The following MUSK variants were observed in gnomAD, a reference collection of about 807,000 sequenced individuals.
MUSK encodes the protein muscle associated receptor tyrosine kinase, also known as muscle, skeletal receptor tyrosine-protein kinase.
A neutral mutation model predicts 88.7 loss-of-function variants in MUSK; 55 were observed. That is an observed-to-expected ratio of 0.62 (90% CI 0.50 to 0.78). The LOEUF is 0.78. Ranked by LOEUF, MUSK falls within the 30% of genes least tolerant of loss-of-function variation. MUSK has a pLI of 0.00. For missense variants in MUSK, 1,015 were observed against 1,074.3 expected, an observed-to-expected ratio of 0.94 and a Z score of 0.77; for synonymous variants, 387 against 391.9, an observed-to-expected ratio of 0.99 and a Z score of 0.15.
chr9:110,703,633 A>G (rs994047923), intron 5 of MUSK, among the ~76,000 whole-genome samples: 5 of 152,164 alleles, frequency 3.3e-5, no homozygotes, highest in African/African-American at 9.6e-5. Flanking sequence ...TTAAAATTCA[A>G]TGGATGAGTA....
At chr9:110,692,587 A>G (rs974223611) in intron 3 of MUSK, among the ~76,000 whole-genome samples, 23 of 151,298 alleles carry the variant, frequency 1.5e-4, no homozygotes, top group Non-Finnish European at 3.1e-4. Context: ...TATTTTCTGC[A>G]TGTCTTAATA....
intron 3 of MUSK, among the ~76,000 whole-genome samples, chr9:110,689,717 ATGTT>A (rs2076274220): frequency 2.8e-5 from 1 of 35,648 alleles, no homozygotes; most frequent in Non-Finnish European, 4.7e-5. Flanking sequence ...ATAACTATAT[ATGTT>A]ATATATAGTT....
intron 4 of MUSK, among the ~76,000 whole-genome samples, chr9:110,695,749 G>A (rs2076423113): frequency 6.6e-6 from 1 of 152,002 alleles, no homozygotes; most frequent in South Asian, 2.1e-4. Flanking sequence ...TAATGTTAAA[G>A]ATAGAAAAGG....
rs970920230 is a variant in MUSK at position 110,804,767 on chromosome 9, A to G, written c.*3779A>G. ...ATAATATACAATAATATGTATAATC[A>G]TAATAGACAATAATAAAAATGAAAA... On this transcript the variant is annotated 3_prime_UTR_variant, in exon 15 of 15. Coordinates refer to ENST00000374448, the MANE Select transcript of MUSK (RefSeq NM_005592.4). Among the ~76,000 whole-genome samples, 1 of 151,956 alleles carries G rather than the reference A, an allele frequency of 6.6e-6. No individual in the cohort carries two copies. The highest frequency in any genetic ancestry group is 1.5e-5 in the Non-Finnish European group (1 of 67,832).
chr9:110,690,891 G>T (rs917780389), intron 3 of MUSK, among the ~76,000 whole-genome samples: 1 of 139,242 alleles, frequency 7.2e-6, no homozygotes, highest in Non-Finnish European at 1.5e-5. Context: ...TATATTTTTT[G>T]AGACGGAGTC....
At chr9:110,758,609 A>G (rs1183041421) in intron 7 of MUSK, among the ~76,000 whole-genome samples, 2 of 152,224 alleles carry the variant, frequency 1.3e-5, no homozygotes, top group Non-Finnish European at 2.9e-5. Flanking sequence ...GCATCCAAAT[A>G]GGAAGAGGGG....
intron 11 of MUSK, among the ~76,000 whole-genome samples, chr9:110,776,879 C>A (rs1436735203): frequency 6.6e-6 from 1 of 152,132 alleles, no homozygotes; most frequent in East Asian, 1.9e-4. Flanking sequence ...GTGAGTCATA[C>A]AAATGCTATC....
intron 1 of MUSK, among the ~76,000 whole-genome samples, chr9:110,679,019 T>C (rs1486243709): frequency 6.6e-6 from 1 of 152,112 alleles, no homozygotes; most frequent in Admixed American, 6.5e-5. Flanking sequence ...TGGTATATTT[T>C]CTTTATGTTT....
intron 2 of MUSK, among the ~76,000 whole-genome samples, chr9:110,683,506 T>C (rs998237361): frequency 1.3e-5 from 2 of 152,036 alleles, no homozygotes; most frequent in African/African-American, 4.8e-5. Flanking sequence ...AGCAGTGGGG[T>C]TGCTGGATCA....
intron 4 of MUSK, among the ~76,000 whole-genome samples, 175 bp from the exon 5 acceptor site, chr9:110,697,150 T>C (rs1372676631): frequency 6.6e-6 from 1 of 151,376 alleles, no homozygotes; most frequent in Admixed American, 6.6e-5. Flanking sequence ...TTAATTTAGG[T>C]ACTCTTGCAC....
intron 6 of MUSK, among the ~76,000 whole-genome samples, chr9:110,739,305 G>T (rs2077068439): frequency 4.6e-5 from 7 of 152,224 alleles, no homozygotes; most frequent in Admixed American, 4.6e-4. Flanking sequence ...TAGTGAAGTT[G>T]CATGGACAGC....
intron 3 of MUSK, among the ~76,000 whole-genome samples, chr9:110,694,385 C>CAAAAAAAAAA (rs796590211): frequency 1.9e-5 from 1 of 51,722 alleles, no homozygotes; most frequent in Non-Finnish European, 3.6e-5. Context: ...GACTCCGTCT[C>CAAAAAAAAAA]AAAAAAAAAA....
At position 110,805,930 on chromosome 9, in the gene MUSK, A is replaced by G. The variant is rs2078155849; in HGVS notation, c.*4942A>G. Among the ~76,000 whole-genome samples the G allele has an allele frequency of 6.6e-6, 1 of 151,716 alleles. No individual in the cohort carries two copies. The highest frequency in any genetic ancestry group is 2.4e-5 in the African/African-American group (1 of 41,326). ...TTGTATTAGCATTGTATTAGGAAAAACTCAGGAGTTTTTCTCTATAATCTT... is the reference window on the plus strand; with the variant it reads ...TTGTATTAGCATTGTATTAGGAAAAGCTCAGGAGTTTTTCTCTATAATCTT... On this transcript the variant is annotated 3_prime_UTR_variant, in exon 15 of 15. Transcript: ENST00000374448.
chr9:110,751,494 T>C (rs1205465929), intron 7 of MUSK, among the ~76,000 whole-genome samples: 1 of 152,118 alleles, frequency 6.6e-6, no homozygotes, highest in Non-Finnish European at 1.5e-5. Context: ...AATGCAAAGA[T>C]TGGCATGTGG....
intron 9 of MUSK, 36 bp from the exon 10 acceptor site, chr9:110,775,752 G>A (rs1259313603): frequency 1.4e-5 from 23 of 1,595,902 alleles, no homozygotes; most frequent in Non-Finnish European, 2.0e-5. Flanking sequence ...AACATGTAAT[G>A]ATTCATCAAG....
intron 3 of MUSK, among the ~76,000 whole-genome samples, chr9:110,691,634 C>A (rs1043740880): frequency 1.1e-4 from 17 of 152,132 alleles, no homozygotes; most frequent in African/African-American, 4.1e-4. Flanking sequence ...GTCAATCTTA[C>A]AATGATGTAA....
In MUSK at chr9:110,800,508, A is replaced by T; in HGVS notation, c.2130A>T (p.Ala710=). 1 of 1,613,838 alleles carries T rather than the reference A, an allele frequency of 6.2e-7. No homozygotes were observed. The highest frequency in any genetic ancestry group is 8.5e-7 in the Non-Finnish European group (1 of 1,179,846). The change falls in exon 15 of 15, where the codon GCA becomes GCT. Residue 710 remains alanine, a synonymous_variant. Transcript: ENST00000374448. ...AGCTTTGCATTGCCAGGCAGGTGGCAGCTGGCATGGCTTACCTCTCAGAAC... is the reference window on the plus strand; with the variant it reads ...AGCTTTGCATTGCCAGGCAGGTGGCTGCTGGCATGGCTTACCTCTCAGAAC... ...AEQLCIARQV[A]AGMAYLSERK...
chr9:110,739,315 C>G (rs2077068653), intron 6 of MUSK, among the ~76,000 whole-genome samples: 1 of 152,130 alleles, frequency 6.6e-6, no homozygotes, highest in Non-Finnish European at 1.5e-5. Context: ...GCATGGACAG[C>G]ACTTCATTCT....
At chr9:110,776,838 T>G (rs1414356183) in intron 11 of MUSK, among the ~76,000 whole-genome samples, 183 bp downstream of exon 11, 2 of 152,180 alleles carry the variant, frequency 1.3e-5, no homozygotes, top group Non-Finnish European at 2.9e-5. Flanking sequence ...GTTTATAACT[T>G]TTAATTAGAC....
Sources: allele counts gnomAD v4.1 joint callset (sites outside exome capture counted in the v4.1 genomes callset), GRCh38; gene constraint gnomAD v4.1.1; transcripts MANE v1.5; gene names NCBI Gene and HGNC (gene_info 2026-07-23, HGNC 2026-07-21).